KCNMA1: variants seen among roughly 807,000 people sequenced by gnomAD.
The protein encoded by KCNMA1 is Calcium-activated potassium channel subunit alpha-1.
Under a neutral mutation model 140.0 loss-of-function variants are expected in KCNMA1, and 29 were observed. The observed-to-expected ratio is 0.21, with a 90% CI of 0.15 to 0.28. The LOEUF (loss-of-function observed/expected upper bound fraction) is 0.28, where lower values mean the gene tolerates loss of function less well. Among genes scored for constraint, KCNMA1 ranks in the 10% least tolerant of loss-of-function variants. The pLI, the probability that KCNMA1 is intolerant of heterozygous loss-of-function variation, is 1.00. For missense variants in KCNMA1, 880 were observed against 1,602.2 expected, an observed-to-expected ratio of 0.55 and a Z score of 7.70; for synonymous variants, 612 against 611.9, an observed-to-expected ratio of 1.00 and a Z score of 0.00.
chr10:77,580,104 G>A (rs975534170), intron 1 of KCNMA1, among the ~76,000 whole-genome samples: 17 of 152,122 alleles, frequency 1.1e-4, no homozygotes, highest in South Asian at 2.1e-4. Context: ...ATGTCTGGCC[G>A]AGCACCGTGG....
Position 76,887,410 on chromosome 10 carries a change from C to T in KCNMA1, c.3567G>A (p.Leu1189=). ...DHNAGQSRAS[L]SHSSHSSQSS... ...ACTGCGACGAGTGGGAGGAATGGGA[C>T]AGGCTGGCCCGGGACTGGCCGGCAT... is the stretch of plus-strand genomic sequence containing the variant. The change falls in exon 28 of 28, where the codon CTG becomes CTA. Residue 1189 remains leucine, a synonymous_variant. Coordinates refer to ENST00000286628, the MANE Select transcript of KCNMA1 (RefSeq NM_001161352.2). The T allele has an allele frequency of 1.9e-6, 3 of 1,614,126 alleles. No individual in the cohort carries two copies. The highest frequency in any genetic ancestry group is 1.3e-5 in the African/African-American group (1 of 75,024).
intron 2 of KCNMA1, among the ~76,000 whole-genome samples, chr10:77,311,877 C>A (rs2079404910): frequency 6.6e-6 from 1 of 152,218 alleles, no homozygotes; most frequent in African/African-American, 2.4e-5. Context: ...GAAATCATCT[C>A]AGGAGATCTA....
intron 2 of KCNMA1, among the ~76,000 whole-genome samples, chr10:77,265,810 G>A (rs760590269): frequency 2.0e-5 from 3 of 152,214 alleles, no homozygotes; most frequent in Non-Finnish European, 4.4e-5. Flanking sequence ...GCTGGGTGCT[G>A]TGGCTCATGC....
intron 9 of KCNMA1, among the ~76,000 whole-genome samples, chr10:77,099,152 AG>A (rs1469833714): frequency 1.3e-5 from 2 of 152,102 alleles, no homozygotes; most frequent in African/African-American, 4.8e-5. Context: ...AAGGTGGAAT[AG>A]AGGGAGAATG....
chr10:77,407,062 G>A (rs1391305316), intron 1 of KCNMA1, among the ~76,000 whole-genome samples: 1 of 152,130 alleles, frequency 6.6e-6, no homozygotes, highest in Non-Finnish European at 1.5e-5. Context: ...GTTTTACAAG[G>A]CATTCATTAT....
At chr10:77,403,590 C>T (rs1351572206) in intron 2 of KCNMA1, among the ~76,000 whole-genome samples, 2 of 152,066 alleles carry the variant, frequency 1.3e-5, no homozygotes, top group African/African-American at 4.8e-5. Flanking sequence ...TGTGTGTGCG[C>T]GCATGTGTGC....
chr10:77,246,357 TG>T (rs2058545286), intron 3 of KCNMA1, among the ~76,000 whole-genome samples: 1 of 152,222 alleles, frequency 6.6e-6, no homozygotes, highest in African/African-American at 2.4e-5. Flanking sequence ...TGAGGTTGCA[TG>T]TGCTATTTTT....
At chr10:77,178,775 A>G (rs953127934) in intron 5 of KCNMA1, among the ~76,000 whole-genome samples, 1 of 152,242 alleles carries the variant, frequency 6.6e-6, no homozygotes, top group Non-Finnish European at 1.5e-5. Context: ...CCTTGGGGAT[A>G]CATTCCCAAA....
intron 3 of KCNMA1, among the ~76,000 whole-genome samples, chr10:77,188,757 T>C (rs1464191851): frequency 1.3e-5 from 2 of 152,196 alleles, no homozygotes; most frequent in African/African-American, 4.8e-5. Flanking sequence ...AGCAGGATGA[T>C]CCAACAGACC....
chr10:77,455,005 G>A (rs934267164), intron 1 of KCNMA1, among the ~76,000 whole-genome samples: 7 of 152,164 alleles, frequency 4.6e-5, no homozygotes, highest in South Asian at 2.1e-4. Context: ...CAGGTACCTT[G>A]TGGCAGTTGG....
intron 3 of KCNMA1, among the ~76,000 whole-genome samples, chr10:77,215,660 C>T (rs150724307): frequency 7.9e-5 from 12 of 152,102 alleles, no homozygotes; most frequent in East Asian, 3.9e-4. Context: ...AGTTAAACAT[C>T]GAGATACCAT....
At position 77,118,401 on chromosome 10, in the gene KCNMA1, G is replaced by A. The variant is rs146273717; in HGVS notation, c.884+2572C>T. ...GGAGAGAGAATGGCCTCAGAGAGTT[G>A]TCCTAAAGCTTCTAGATTTCTTACA... On this transcript the variant is annotated intron_variant, in intron 6 of 27. Coordinates refer to ENST00000286628, the MANE Select transcript of KCNMA1 (RefSeq NM_001161352.2). 1.1e-3 allele frequency among the ~76,000 whole-genome samples: 163 copies of A among 152,346 alleles called. 1 individual carries two copies. The highest frequency in any genetic ancestry group is 3.8e-3 in the African/African-American group (156 of 41,582).
chr10:76,905,615 T>C (rs58277130), intron 25 of KCNMA1, among the ~76,000 whole-genome samples: 17,801 of 152,206 alleles, frequency 0.12, 3,367 homozygotes, highest in African/African-American at 0.4. Flanking sequence ...TTGGCCTTTA[T>C]AGTGTTCTCT....
chr10:77,074,443 G>A (rs1213399228), intron 13 of KCNMA1, among the ~76,000 whole-genome samples: 3 of 152,198 alleles, frequency 2.0e-5, no homozygotes, highest in Admixed American at 2.0e-4. Context: ...AAGACAAGAG[G>A]AGGTAGCGTC....
downstream of KCNMA1, chr10:76,875,079 T>C (rs2032114409): frequency 6.6e-6 from 1 of 152,190 alleles, no homozygotes; most frequent in African/African-American, 2.4e-5. Context: ...GCCAAAGAGC[T>C]CAACAAGTAG....
chr10:77,200,264 A>C (rs557575903), intron 3 of KCNMA1, among the ~76,000 whole-genome samples: 1 of 152,288 alleles, frequency 6.6e-6, no homozygotes, highest in East Asian at 1.9e-4. Flanking sequence ...TAGAAATTTA[A>C]ATGCTGGAGA....
chr10:77,086,419 C>G (rs2096691805), intron 11 of KCNMA1, 69 bp downstream of exon 11: 1 of 1,149,892 alleles, frequency 8.7e-7, no homozygotes, highest in African/African-American at 1.5e-5. Flanking sequence ...CCCCTCAGCA[C>G]AGAGTCAGGA....
At chr10:76,913,606 G>A (rs1464156870) in intron 24 of KCNMA1, 1 of 154,362 alleles carries the variant, frequency 6.5e-6, no homozygotes, top group Non-Finnish European at 1.4e-5. Context: ...ACAGCTGGAG[G>A]GAAAGTGCCA....
At chr10:77,387,254 A>G (rs1267518066) in intron 2 of KCNMA1, among the ~76,000 whole-genome samples, 1 of 152,252 alleles carries the variant, frequency 6.6e-6, no homozygotes, top group African/African-American at 2.4e-5. Context: ...CAATATGAAA[A>G]AAGAAAAGAA....
Sources: gnomAD v4.1 joint callset for allele counts (sites outside exome capture counted in the v4.1 genomes callset) on GRCh38, gnomAD v4.1.1 for gene constraint, MANE v1.5 for transcripts, NCBI Gene and HGNC (gene_info 2026-07-23, HGNC 2026-07-21) for gene names.